The following MEIKIN variants were observed in gnomAD, a reference collection of about 807,000 sequenced individuals.
MEIKIN encodes meiosis-specific kinetochore protein.
At chr5:131,867,000 C>A (rs1159015746) in intron 9 of MEIKIN, among the ~76,000 whole-genome samples, 1 of 152,106 alleles carries the variant, frequency 6.6e-6, no homozygotes. Context: ...CTTCCTATAA[C>A]CCTGCATATT....
intron 8 of MEIKIN, among the ~76,000 whole-genome samples, chr5:131,883,945 G>A (rs1750736280): frequency 6.6e-6 from 1 of 152,186 alleles, no homozygotes; most frequent in African/African-American, 2.4e-5. Context: ...CTCAGCTGGT[G>A]CCCACCCATG....
chr5:131,900,480 C>A (rs1481447778), intron 8 of MEIKIN, among the ~76,000 whole-genome samples: 1 of 152,048 alleles, frequency 6.6e-6, no homozygotes, highest in Non-Finnish European at 1.5e-5. Flanking sequence ...GACCTCATGA[C>A]CCCCACAGAC....
At chr5:131,819,452 C>CGGGGGAGGG (rs1410990727) in intron 11 of MEIKIN, among the ~76,000 whole-genome samples, 1 of 87,622 alleles carries the variant, frequency 1.1e-5, no homozygotes, top group Non-Finnish European at 2.1e-5. Context: ...GGAGGAGGGA[C>CGGGGGAGGG]AGGGGGAGGG....
At chr5:131,828,273 C>T (rs1749649524) in intron 11 of MEIKIN, among the ~76,000 whole-genome samples, 1 of 152,172 alleles carries the variant, frequency 6.6e-6, no homozygotes, top group South Asian at 2.1e-4. Context: ...AGTCATCCTC[C>T]CATCTCAGCC....
At chr5:131,828,641 A>T (rs1002968230) in intron 11 of MEIKIN, among the ~76,000 whole-genome samples, 5 of 152,150 alleles carry the variant, frequency 3.3e-5, no homozygotes, top group African/African-American at 1.2e-4. Context: ...GATTTTTAAA[A>T]TTTCCCCAAA....
At chr5:131,812,198 A>G (rs1469020855) in intron 12 of MEIKIN, among the ~76,000 whole-genome samples, 2 of 152,144 alleles carry the variant, frequency 1.3e-5, no homozygotes, top group Non-Finnish European at 2.9e-5. Flanking sequence ...TTATGTTTGT[A>G]ATTTTGTATA....
In MEIKIN at chr5:131,893,619, C is replaced by A. The variant is rs935052232; in HGVS notation, c.704-14571G>T. On this transcript the variant is annotated intron_variant, in intron 8 of 12. Coordinates refer to ENST00000442687, the MANE Select transcript of MEIKIN (RefSeq NM_001303622.2). ...TGTCCTGCACCCACTTTCCAGCACT[C>A]CCCAGTGAGATGAACCCGGTACCTC... Among the ~76,000 whole-genome samples the A allele has an allele frequency of 1.8e-4, 28 of 152,342 alleles. 1 individual carries two copies. In the South Asian group the frequency reaches 2.7e-3, roughly 15 times the overall value.
intron 8 of MEIKIN, among the ~76,000 whole-genome samples, chr5:131,881,638 T>C (rs1042539583): frequency 7.9e-5 from 12 of 152,186 alleles, no homozygotes; most frequent in Non-Finnish European, 1.6e-4. Context: ...TGAAAGCTAA[T>C]AAGCCTTTCA....
intron 5 of MEIKIN, among the ~76,000 whole-genome samples, chr5:131,923,843 CTT>C (rs1318077669): frequency 3.6e-5 from 5 of 139,294 alleles, no homozygotes; most frequent in Admixed American, 2.9e-4. Context: ...AGTTAGAACA[CTT>C]AACATGAGAT....
At chr5:131,807,561 G>A (rs956177392) in intron 12 of MEIKIN, among the ~76,000 whole-genome samples, 2 of 152,198 alleles carry the variant, frequency 1.3e-5, no homozygotes, top group African/African-American at 4.8e-5. Flanking sequence ...TTTAACCCCA[G>A]CCTTGTAACC....
intron 8 of MEIKIN, among the ~76,000 whole-genome samples, chr5:131,887,815 G>A (rs1233818551): frequency 2.0e-5 from 3 of 150,732 alleles, no homozygotes; most frequent in African/African-American, 7.3e-5. Context: ...CCATTAACTT[G>A]TCATTTAGCA....
rs537273663 is a variant in MEIKIN, at chr5:131,894,656, T to C, written c.704-15608A>G. On this transcript the variant is annotated intron_variant, in intron 8 of 12. Transcript: ENST00000442687. The stretch of plus-strand genomic sequence containing the variant: ...ATTCCTAGGTATTTTATTCTCTTTG[T>C]AGCAATTGTGAATGGGAGTTCACTC... Among the ~76,000 whole-genome samples the C allele has an allele frequency of 1.6e-3, 242 of 152,274 alleles. 1 individual carries two copies. Among genetic ancestry groups the C allele is most frequent in the African/African-American group, 5.6e-3 (233 of 41,560 alleles).
intron 10 of MEIKIN, among the ~76,000 whole-genome samples, chr5:131,853,935 T>C (rs751396166): frequency 1.3e-5 from 2 of 152,138 alleles, no homozygotes; most frequent in Non-Finnish European, 2.9e-5. Flanking sequence ...AACAGTGTGG[T>C]GGTTCCTCAA....
At chr5:131,811,772 A>G (rs560676249) in intron 12 of MEIKIN, among the ~76,000 whole-genome samples, 2 of 152,062 alleles carry the variant, frequency 1.3e-5, no homozygotes, top group Non-Finnish European at 2.9e-5. Context: ...ACGCCCAGCT[A>G]ATTTTTTGTA....
At chr5:131,872,457 A>T (rs1339843650) in intron 9 of MEIKIN, among the ~76,000 whole-genome samples, 1 of 152,228 alleles carries the variant, frequency 6.6e-6, no homozygotes, top group African/African-American at 2.4e-5. Context: ...AAAAAATAAT[A>T]AAAAGAAATG....
chr5:131,825,176 G>A (rs929384623), intron 11 of MEIKIN, among the ~76,000 whole-genome samples: 3 of 152,048 alleles, frequency 2.0e-5, no homozygotes, highest in Non-Finnish European at 4.4e-5. Flanking sequence ...CTCCAGCCTG[G>A]GTGACAGAGT....
intron 11 of MEIKIN, among the ~76,000 whole-genome samples, chr5:131,827,020 C>G (rs1749627927): frequency 6.6e-6 from 1 of 152,074 alleles, no homozygotes; most frequent in Non-Finnish European, 1.5e-5. Context: ...TTAAGAGTTT[C>G]ACTGTGTTGC....
At chr5:131,898,317 G>A (rs763858392) in intron 8 of MEIKIN, among the ~76,000 whole-genome samples, 4 of 152,122 alleles carry the variant, frequency 2.6e-5, no homozygotes, top group Admixed American at 6.5e-5. Flanking sequence ...AGGGGCAGCC[G>A]CCTATATGAG....
chr5:131,923,712 A>G (rs1303616066), intron 5 of MEIKIN, among the ~76,000 whole-genome samples: 3 of 151,794 alleles, frequency 2.0e-5, no homozygotes, highest in Admixed American at 2.0e-4. Context: ...ATTTTTAAAA[A>G]TATTTTCCTC....
Sources: gnomAD v4.1 joint callset for allele counts (sites outside exome capture counted in the v4.1 genomes callset) on GRCh38, gnomAD v4.1.1 for gene constraint, MANE v1.5 for transcripts, NCBI Gene and HGNC (gene_info 2026-07-23, HGNC 2026-07-21) for gene names.